The following ATAD2B variants were observed in gnomAD, a reference collection of about 807,000 sequenced individuals.
ATAD2B encodes the protein ATPase family AAA domain-containing protein 2B.
Under a neutral mutation model 167.6 loss-of-function variants are expected in ATAD2B, and 40 were observed. That is an observed-to-expected ratio of 0.24 (90% confidence interval 0.19 to 0.31). The LOEUF is 0.31. Ranked by LOEUF, ATAD2B falls within the 10% of genes least tolerant of loss-of-function variation. The pLI, the probability that ATAD2B is intolerant of heterozygous loss-of-function variation, is 1.00. For missense variants in ATAD2B, 1,242 were observed against 1,757.2 expected, an observed-to-expected ratio of 0.71 and a Z score of 5.24; for synonymous variants, 579 against 596.5, an observed-to-expected ratio of 0.97 and a Z score of 0.43.
In ATAD2B at chr2:23,880,772, A is replaced by C. The variant is rs1697759718; in HGVS notation, c.785-17T>G. 4.1e-6 allele frequency: 6 copies of C among 1,451,470 alleles called. No individual in the cohort carries two copies. The highest frequency in any genetic ancestry group is 5.7e-6 in the Non-Finnish European group (6 of 1,045,724). 89.9% of individuals were successfully genotyped at this position (1,451,470 alleles called of 1,614,324 possible). On this transcript the variant is annotated splice_polypyrimidine_tract_variant and intron_variant, in intron 6 of 27. Coordinates refer to ENST00000238789, the MANE Select transcript of ATAD2B (RefSeq NM_017552.4). ...CTTGAGATTCTAGTTTCCCACACACAAAAAGAAAAGAAAAAGGCATTATTT... is the reference window on the plus strand; with the variant it reads ...CTTGAGATTCTAGTTTCCCACACACCAAAAGAAAAGAAAAAGGCATTATTT...
the ATAD2B span, among the ~76,000 whole-genome samples, chr2:23,735,925 TTCTA>T: frequency 6.6e-6 from 1 of 152,202 alleles, no homozygotes; most frequent in Admixed American, 6.5e-5. Context: ...CTCTGAATTC[TTCTA>T]TCTAATATAC....
chr2:23,832,906 G>C (rs1322855468), intron 14 of ATAD2B, among the ~76,000 whole-genome samples: 1 of 152,240 alleles, frequency 6.6e-6, no homozygotes, highest in Non-Finnish European at 1.5e-5. Context: ...TGTGGAAGTA[G>C]ACTGTACCTA....
At chr2:23,817,534 C>T (rs1259041516) in intron 17 of ATAD2B, among the ~76,000 whole-genome samples, 1 of 152,196 alleles carries the variant, frequency 6.6e-6, no homozygotes, top group Non-Finnish European at 1.5e-5. Flanking sequence ...GTTCTGCTTT[C>T]ACAGCACTTT....
intron 13 of ATAD2B, among the ~76,000 whole-genome samples, chr2:23,851,230 G>C (rs1025055343): frequency 1.3e-5 from 2 of 152,136 alleles, no homozygotes; most frequent in Non-Finnish European, 2.9e-5. Flanking sequence ...CTGCAGCCTT[G>C]ACCTCCCCAG....
chr2:23,747,430 G>T (rs1228491973), downstream of ATAD2B, among the ~76,000 whole-genome samples: 1 of 151,792 alleles, frequency 6.6e-6, no homozygotes. Flanking sequence ...GATGTAATAT[G>T]AAAGGTCACA....
chr2:23,862,542 T>C (rs1284146254), intron 12 of ATAD2B, among the ~76,000 whole-genome samples: 1 of 151,784 alleles, frequency 6.6e-6, no homozygotes, highest in Non-Finnish European at 1.5e-5. Context: ...TCTTAAAATA[T>C]CGGGATTACA....
At chr2:23,760,755 C>T (rs921881988) in intron 24 of ATAD2B, among the ~76,000 whole-genome samples, 4 of 118,630 alleles carry the variant, frequency 3.4e-5, no homozygotes, top group Non-Finnish European at 7.3e-5. Flanking sequence ...CACACATACA[C>T]ACACACACAC....
chr2:23,772,159 G>A lies in ATAD2B; in HGVS notation c.3134-6531C>T, dbSNP rs555343807. Reference sequence around the variant, plus strand: ...TTTTTTTTCATTGTGTCATGTGAGGGGGTAAATAAATCGAGTCCCTTTTAC... The same window carrying A: ...TTTTTTTTCATTGTGTCATGTGAGGAGGTAAATAAATCGAGTCCCTTTTAC... On this transcript the variant is annotated intron_variant, in intron 22 of 27. Coordinates refer to ENST00000238789, the MANE Select transcript of ATAD2B (RefSeq NM_017552.4). 9.9e-5 allele frequency among the ~76,000 whole-genome samples: 15 copies of A among 152,102 alleles called. No homozygotes were observed. The South Asian group carries it at 2.9e-3, about 30-fold the overall frequency.
At chr2:23,775,223 T>G (rs1384080993) in intron 22 of ATAD2B, among the ~76,000 whole-genome samples, 3 of 120,854 alleles carry the variant, frequency 2.5e-5, no homozygotes, top group Non-Finnish European at 1.8e-5. Context: ...TTATGTTTTA[T>G]TTTTTTTTTT....
intron 18 of ATAD2B, among the ~76,000 whole-genome samples, chr2:23,808,618 C>A (rs1266117801): frequency 6.6e-6 from 1 of 152,026 alleles, no homozygotes; most frequent in African/African-American, 2.4e-5. Context: ...TATGGAATTT[C>A]TTTATTGTCT....
the ATAD2B span, among the ~76,000 whole-genome samples, chr2:23,714,681 C>T: frequency 6.6e-6 from 1 of 151,478 alleles, no homozygotes; most frequent in Non-Finnish European, 1.5e-5. Context: ...ATGGTGAAAC[C>T]CTGTCTCTAC....
chr2:23,741,159 A>G, the ATAD2B span, among the ~76,000 whole-genome samples: 2 of 151,470 alleles, frequency 1.3e-5, no homozygotes, highest in African/African-American at 4.8e-5. Flanking sequence ...TGCCATCCCA[A>G]TCAAGCTACC....
intron 10 of ATAD2B, among the ~76,000 whole-genome samples, 185 bp from the exon 11 acceptor site, chr2:23,865,109 G>C (rs910510967): frequency 2.8e-4 from 42 of 151,940 alleles, no homozygotes; most frequent in Non-Finnish European, 5.6e-4. Flanking sequence ...TTCAGTTCAG[G>C]CAAATTAAGC....
chr2:23,802,774 G>A (rs1572818256), intron 18 of ATAD2B, among the ~76,000 whole-genome samples: 1 of 151,970 alleles, frequency 6.6e-6, no homozygotes, highest in Non-Finnish European at 1.5e-5. Context: ...AAGAGCAACC[G>A]AAGTATACAC....
the ATAD2B span, among the ~76,000 whole-genome samples, chr2:23,685,631 G>A: frequency 1.0e-3 from 152 of 152,324 alleles, 3 homozygotes; most frequent in East Asian, 5.0e-3. Flanking sequence ...GCCACATGCC[G>A]GCCCTCAGCC....
chr2:23,906,595 G>A (rs901257177), intron 1 of ATAD2B, among the ~76,000 whole-genome samples: 1 of 152,136 alleles, frequency 6.6e-6, no homozygotes, highest in African/African-American at 2.4e-5. Flanking sequence ...AATATTGACT[G>A]TGGGGTGTTA....
chr2:23,868,791 TTAATA>T (rs1396012462), intron 9 of ATAD2B, among the ~76,000 whole-genome samples: 1 of 152,210 alleles, frequency 6.6e-6, no homozygotes, highest in Non-Finnish European at 1.5e-5. Flanking sequence ...TTTCTGTAAA[TTAATA>T]TAGTCAACTT....
At position 23,885,771 on chromosome 2, in the gene ATAD2B, A is replaced by T; in HGVS notation, c.631T>A (p.Ser211Thr). 2 of 1,600,462 alleles carry T rather than the reference A, an allele frequency of 1.2e-6. No individual in the cohort carries two copies. The highest frequency in any genetic ancestry group is 1.7e-6 in the Non-Finnish European group (2 of 1,172,476). The change falls in exon 5 of 28, where the codon TCA becomes ACA. Residue 211 changes from serine to threonine, a missense_variant. Physicochemically the swap from Ser to Thr is moderately conservative, Grantham distance 58. Around this residue, in one of 9 missense-constraint regions of ATAD2B, gnomAD observed 99 missense variants for 160.4 expected, o/e 0.62. Transcript: ENST00000238789. ...DNINIRRNRR[S>T]GEVERLRMWT... ...ATTCGAAGTCGTTCTACTTCTCCTG[A>T]TCGACGATTCCGTCGGATGTTAATG...
At position 23,754,507 on chromosome 2, in the gene ATAD2B, A is replaced by C. The variant is rs56218741; in HGVS notation, c.4206+140T>G. Reference sequence around the variant, plus strand: ...TATCTTTCAACTCCTTAAAATACACATAACTCTTTTTTACTAGGAGCTCTG... The same window carrying C: ...TATCTTTCAACTCCTTAAAATACACCTAACTCTTTTTTACTAGGAGCTCTG... On this transcript the variant is annotated intron_variant, in intron 26 of 27. Coordinates refer to ENST00000238789, the MANE Select transcript of ATAD2B (RefSeq NM_017552.4). 0.13 allele frequency: 158,924 copies of C among 1,188,090 alleles called. 11,395 individuals carry two copies. Among genetic ancestry groups the C allele is most frequent in the Middle Eastern group, 0.2 (930 of 4,606 alleles). 73.6% of individuals were successfully genotyped at this position (1,188,090 alleles called of 1,614,324 possible). A position where few individuals can be genotyped will look rare whatever the true frequency, so the allele number is the denominator to read the frequency against.
Sources: allele counts gnomAD v4.1 joint callset (sites outside exome capture counted in the v4.1 genomes callset), GRCh38; gene constraint gnomAD v4.1.1; regional missense constraint gnomAD v4.1.1; transcripts MANE v1.5; gene names NCBI Gene and HGNC (gene_info 2026-07-23, HGNC 2026-07-21).